The following ICA1 variants were observed in gnomAD, a reference collection of about 807,000 sequenced individuals.
ICA1 encodes the protein 69 kDa islet cell autoantigen.
A neutral mutation model predicts 71.0 loss-of-function variants in ICA1; 40 were observed. The observed-to-expected ratio is 0.56, with a 90% CI of 0.44 to 0.73. ICA1 has a LOEUF of 0.73. Among genes scored for constraint, ICA1 ranks in the 30% least tolerant of loss-of-function variants. The probability of loss-of-function intolerance (pLI) is 0.00; values close to 1 mark genes in which losing one functional copy is unlikely to be tolerated. For missense variants in ICA1, 578 were observed against 576.5 expected (o/e 1.00, Z -0.03); for synonymous variants, 207 against 209.5 (o/e 0.99, Z 0.10).
Position 8,133,002 on chromosome 7 carries a change from C to T in ICA1, c.1061-4860G>A, listed in dbSNP as rs556404899. On this transcript the variant is annotated intron_variant, in intron 12 of 13. Coordinates refer to ENST00000402384, the MANE Select transcript of ICA1 (RefSeq NM_001136020.3). ...TCATGCTGATATTTAAACCCTAGTG[C>T]GGCAGCTTGAGAGGTGCGGCCTTTA... 2.9e-4 allele frequency among the ~76,000 whole-genome samples: 44 copies of T among 152,300 alleles called. No individual in the cohort carries two copies. The South Asian group carries it at 6.2e-3, about 22-fold the overall frequency.
At chr7:8,255,990 G>A (rs897659556) in intron 1 of ICA1, among the ~76,000 whole-genome samples, 2 of 151,440 alleles carry the variant, frequency 1.3e-5, no homozygotes, top group Admixed American at 6.6e-5. Context: ...GCCCAGGCTG[G>A]TCTCAAACAC....
chr7:8,245,163 A>G (rs1805488847), intron 1 of ICA1, among the ~76,000 whole-genome samples: 1 of 152,258 alleles, frequency 6.6e-6, no homozygotes, highest in Admixed American at 6.5e-5. Flanking sequence ...ACCAATACAA[A>G]TGTCCATCAA....
chr7:8,141,044 C>T (rs190680103), intron 10 of ICA1, among the ~76,000 whole-genome samples: 1 of 152,300 alleles, frequency 6.6e-6, no homozygotes, highest in East Asian at 1.9e-4. Flanking sequence ...AAAACATTCC[C>T]CCGCATCTCC....
chr7:8,232,729 C>G lies in ICA1; in HGVS notation c.44G>C (p.Arg15Pro). The G allele has an allele frequency of 6.2e-7, 1 of 1,606,186 alleles. No individual in the cohort carries two copies. Among genetic ancestry groups the G allele is most frequent in the Non-Finnish European group, 8.5e-7 (1 of 1,176,538 alleles). The change falls in exon 3 of 14, where the codon CGA (arginine) becomes CCA (proline). Residue 15 changes from arginine (R) to proline (P), a missense_variant. Arg to Pro is a moderately radical substitution (Grantham distance 103). Coordinates refer to ENST00000402384, the MANE Select transcript of ICA1 (RefSeq NM_001136020.3). ...KCSYPWDLQDRYAQDKSVVNK... is the reference protein window; with the variant it reads ...KCSYPWDLQDPYAQDKSVVNK... ...TACAACTGACTTATCTTGAGCATAT[C>G]GATCCTGTAAGTCCCAGGGATAACT...
intron 6 of ICA1, among the ~76,000 whole-genome samples, chr7:8,202,869 C>CGCAG (rs36024764): frequency 3.5e-4 from 3 of 8,624 alleles, no homozygotes; most frequent in African/African-American, 1.7e-3. Flanking sequence ...ATAGACACAC[C>CGCAG]GCACGAATGG....
At position 8,144,080 on chromosome 7, in the gene ICA1, C is replaced by A; in HGVS notation, c.805-108G>T. On this transcript the variant is annotated intron_variant, in intron 8 of 13. Transcript: ENST00000402384. The surrounding 1 kb of genome is among the most constrained non-coding windows in gnomAD (Gnocchi z 4.5). ...ATTAAAAAATTCAACTGCCATTTGTCCCAGCAACCAAACTTTGAATTACAG... is the reference window on the plus strand; with the variant it reads ...ATTAAAAAATTCAACTGCCATTTGTACCAGCAACCAAACTTTGAATTACAG... 2 of 660,960 alleles carry A rather than the reference C, an allele frequency of 3.0e-6. No homozygotes were observed. Among genetic ancestry groups the A allele is most frequent in the Non-Finnish European group, 5.2e-6 (2 of 387,334 alleles). The allele number at this position is 660,960 out of a possible 1,614,324, so 40.9% of individuals were successfully genotyped here.
intron 12 of ICA1, among the ~76,000 whole-genome samples, chr7:8,128,793 G>C (rs1159396184): frequency 2.0e-5 from 3 of 152,218 alleles, no homozygotes; most frequent in Admixed American, 6.5e-5. Context: ...CTGCGAGTCA[G>C]GGAGCTTCAC....
chr7:8,211,579 G>A (rs558987055), intron 6 of ICA1, among the ~76,000 whole-genome samples: 1 of 152,268 alleles, frequency 6.6e-6, no homozygotes, highest in Non-Finnish European at 1.5e-5. Flanking sequence ...TGGACTGTCT[G>A]GGGCCAAGAT....
intron 6 of ICA1, among the ~76,000 whole-genome samples, chr7:8,184,709 A>G (rs1783336732): frequency 2.0e-5 from 3 of 152,244 alleles, no homozygotes; most frequent in African/African-American, 7.2e-5. Flanking sequence ...GAGTATAGAA[A>G]AGATATTGGA....
At chr7:8,114,631 C>T (rs1388605975) in intron 13 of ICA1, among the ~76,000 whole-genome samples, 1 of 152,198 alleles carries the variant, frequency 6.6e-6, no homozygotes, top group Admixed American at 6.5e-5. Context: ...GGGTCAATTC[C>T]CCTCACTCTT....
chr7:8,159,461 C>A (rs1170041115), intron 6 of ICA1, among the ~76,000 whole-genome samples: 10 of 152,212 alleles, frequency 6.6e-5, no homozygotes, highest in Admixed American at 6.5e-4. Flanking sequence ...CCTGTAATTT[C>A]AACAATTTAG....
At chr7:8,121,281 C>T (rs747065985) in intron 13 of ICA1, among the ~76,000 whole-genome samples, 16 of 152,232 alleles carry the variant, frequency 1.1e-4, no homozygotes, top group Non-Finnish European at 2.1e-4. Flanking sequence ...GCCTGCCATC[C>T]AGCCAGCCAG....
intron 1 of ICA1, among the ~76,000 whole-genome samples, chr7:8,252,039 TAA>T (rs1808373160): frequency 1.3e-5 from 2 of 152,080 alleles, no homozygotes; most frequent in Non-Finnish European, 2.9e-5. Context: ...GATAAAAATA[TAA>T]AGTGTAAAAC....
At chr7:8,182,178 T>C (rs946752492) in intron 6 of ICA1, among the ~76,000 whole-genome samples, 1 of 152,176 alleles carries the variant, frequency 6.6e-6, no homozygotes, top group Non-Finnish European at 1.5e-5. Context: ...CAGGCTCAAC[T>C]TAAATCGTAG....
chr7:8,148,327 T>G (rs941428736), intron 8 of ICA1, among the ~76,000 whole-genome samples: 1 of 152,178 alleles, frequency 6.6e-6, no homozygotes, highest in Non-Finnish European at 1.5e-5. Context: ...GCTTATTCCT[T>G]AATTTAACCC....
intron 6 of ICA1, among the ~76,000 whole-genome samples, chr7:8,160,179 A>G (rs1803241256): frequency 6.6e-6 from 1 of 152,216 alleles, no homozygotes. Flanking sequence ...AATGTAGTTT[A>G]AGAAGTGATG....
At chr7:8,139,409 G>T (rs146653517) in intron 10 of ICA1, among the ~76,000 whole-genome samples, 3 of 152,254 alleles carry the variant, frequency 2.0e-5, no homozygotes, top group African/African-American at 4.8e-5. Flanking sequence ...CTAAGTGAAA[G>T]AAGTCAATCT....
intron 6 of ICA1, among the ~76,000 whole-genome samples, chr7:8,184,829 C>A (rs887462389): frequency 1.3e-5 from 2 of 152,148 alleles, no homozygotes; most frequent in African/African-American, 2.4e-5. Flanking sequence ...AATACCAGCA[C>A]TTTGGGAGGC....
chr7:8,245,491 T>C (rs759621759), intron 1 of ICA1, among the ~76,000 whole-genome samples: 2 of 152,076 alleles, frequency 1.3e-5, no homozygotes, highest in Non-Finnish European at 2.9e-5. Context: ...TGGGCCAGCA[T>C]GGCACATGTA....
Sources: allele counts gnomAD v4.1 joint callset (sites outside exome capture counted in the v4.1 genomes callset), GRCh38; gene constraint gnomAD v4.1.1; non-coding constraint Gnocchi (gnomAD v3.1); transcripts MANE v1.5; gene names NCBI Gene and HGNC (gene_info 2026-07-23, HGNC 2026-07-21).